The following INSC variants were observed in gnomAD, a reference collection of about 807,000 sequenced individuals.
INSC encodes INSC spindle orientation adaptor protein, also known as protein inscuteable homolog.
Under a neutral mutation model 58.6 loss-of-function variants are expected in INSC, and 67 were observed. That is an observed-to-expected ratio of 1.14 (90% CI 0.94 to 1.40). The LOEUF is 1.40. Ranked by LOEUF, INSC falls within the 40% of genes most tolerant of loss-of-function variation. The pLI, the probability that INSC is intolerant of heterozygous loss-of-function variation, is 0.00. For missense variants in INSC, 714 were observed against 692.0 expected (o/e 1.03, Z -0.36); for synonymous variants, 262 against 276.1 (o/e 0.95, Z 0.51).
chr11:15,183,472 G>T (rs903141119), intron 5 of INSC, among the ~76,000 whole-genome samples: 1 of 150,936 alleles, frequency 6.6e-6, no homozygotes, highest in Non-Finnish European at 1.5e-5. Context: ...TGTGTTGTTG[G>T]AGGGATGATT....
intron 5 of INSC, among the ~76,000 whole-genome samples, chr11:15,186,966 T>C (rs1207827061): frequency 6.6e-6 from 1 of 152,226 alleles, no homozygotes; most frequent in Non-Finnish European, 1.5e-5. Context: ...TCTTCCATTC[T>C]GTGCAGCAAC....
intron 2 of INSC, among the ~76,000 whole-genome samples, chr11:15,165,859 C>T (rs1355013802): frequency 1.3e-5 from 2 of 151,652 alleles, no homozygotes; most frequent in African/African-American, 2.4e-5. Flanking sequence ...GTTGCTGAAC[C>T]AGTCTTTTGG....
chr11:15,178,293 A>G lies in INSC; in HGVS notation c.456-31A>G, dbSNP rs375710838. The G allele has an allele frequency of 3.1e-6, 5 of 1,612,838 alleles. No homozygotes were observed. The Admixed American group carries it at 6.7e-5, about 22-fold the overall frequency. ...TCTGGGCTGACCACATGCCCTTTCC[A>G]GTGGCCCACCCCATGGTTTCTTCTC... On this transcript the variant is annotated intron_variant, in intron 4 of 12. Transcript: ENST00000379556.
At chr11:15,260,769 G>A in the INSC span, among the ~76,000 whole-genome samples, 5 of 152,314 alleles carry the variant, frequency 3.3e-5, no homozygotes, top group Admixed American at 3.3e-4. Context: ...TAGTCCTGGA[G>A]CCAGATGCAT....
At chr11:15,197,266 G>T (rs957422903) in intron 6 of INSC, among the ~76,000 whole-genome samples, 3 of 152,200 alleles carry the variant, frequency 2.0e-5, no homozygotes, top group African/African-American at 7.2e-5. Context: ...CAGACAGAGT[G>T]TTGAAGCAGA....
At chr11:15,165,321 A>G (rs1363913546) in intron 2 of INSC, among the ~76,000 whole-genome samples, 1 of 152,226 alleles carries the variant, frequency 6.6e-6, no homozygotes, top group Non-Finnish European at 1.5e-5. Flanking sequence ...AACTTCTCTA[A>G]TAGAGACTAA....
chr11:15,128,364 A>G (rs1199718819), intron 1 of INSC, among the ~76,000 whole-genome samples: 1 of 152,202 alleles, frequency 6.6e-6, no homozygotes, highest in Non-Finnish European at 1.5e-5. Flanking sequence ...ATGGAATCAT[A>G]TGGGGATACA....
At chr11:15,229,962 ATATAT>A (rs1405067903) in intron 9 of INSC, among the ~76,000 whole-genome samples, 4,681 of 25,666 alleles carry the variant, frequency 0.18, 431 homozygotes, top group Non-Finnish European at 0.21. Context: ...ATATATATTT[ATATAT>A]ATATATATAT....
upstream of INSC, among the ~76,000 whole-genome samples, chr11:15,112,006 A>G (rs1847583368): frequency 6.6e-6 from 1 of 152,174 alleles, no homozygotes; most frequent in African/African-American, 2.4e-5. Context: ...TAGAATGTAT[A>G]TTATCTTTGT....
Position 15,175,840 on chromosome 11 carries a change from C to A in INSC, c.156C>A (p.Ile52=), listed in dbSNP as rs773326981. Residue 52 remains isoleucine (I), a synonymous_variant, in exon 3 of 13, where the codon ATC becomes ATA. Transcript: ENST00000379556. ...TGTGTGTCCTGCAGGCCAAGCCCAT[C>A]AGCCTGGAAGAGGATGCACAGGGTG... ...ECMCVLQAKP[I]SLEEDAQGDL... The A allele has an allele frequency of 6.2e-7, 1 of 1,612,432 alleles. No individual in the cohort carries two copies.
intron 1 of INSC, among the ~76,000 whole-genome samples, chr11:15,117,147 G>A (rs1847750196): frequency 2.0e-5 from 3 of 151,384 alleles, no homozygotes; most frequent in African/African-American, 7.3e-5. Flanking sequence ...TTTCCATGTT[G>A]GTCAGGCTGG....
chr11:15,168,016 A>G (rs1308088790), intron 2 of INSC, among the ~76,000 whole-genome samples: 2 of 152,100 alleles, frequency 1.3e-5, no homozygotes, highest in East Asian at 1.9e-4. Context: ...TCCTTTGCCC[A>G]TAGCAGCCCC....
intron 8 of INSC, 123 bp downstream of exon 8, chr11:15,221,771 G>GCACCCCAAATATCTCC: frequency 1.2e-6 from 1 of 846,938 alleles, no homozygotes; most frequent in Non-Finnish European, 1.8e-6. Flanking sequence ...CTGCATAGAT[G>GCACCCCAAATATCTCC]ATCATATTTG....
At chr11:15,236,714 C>G (rs951051814) in intron 10 of INSC, among the ~76,000 whole-genome samples, 1 of 152,190 alleles carries the variant, frequency 6.6e-6, no homozygotes, top group Non-Finnish European at 1.5e-5. Flanking sequence ...AATTAGCAAC[C>G]GGTTGGAAAC....
intron 1 of INSC, among the ~76,000 whole-genome samples, chr11:15,134,243 C>G (rs1049531769): frequency 6.6e-6 from 1 of 152,112 alleles, no homozygotes; most frequent in Non-Finnish European, 1.5e-5. Context: ...ATTGTAAGAT[C>G]CCTGTTACTT....
At chr11:15,201,750 G>A (rs1410254996) in intron 7 of INSC, among the ~76,000 whole-genome samples, 4 of 152,156 alleles carry the variant, frequency 2.6e-5, no homozygotes, top group Admixed American at 2.6e-4. Context: ...TAGAAAAGTG[G>A]AAAGGCCTGG....
rs55744362 is a variant in INSC at position 15,230,013 on chromosome 11, A to T, written c.1170+4185A>T. On this transcript the variant is annotated intron_variant, in intron 9 of 12. Transcript: ENST00000379556. ...TATATATATATATATATATATATAT[A>T]ATATATATATATATATATATATATA... Among the ~76,000 whole-genome samples the T allele has an allele frequency of 8.2e-3, 195 of 23,696 alleles. 4 individuals carry two copies. The East Asian group carries it at 0.098, about 12-fold the overall frequency. The allele number at this position is 23,696 out of a possible 152,430, so 15.5% of individuals were successfully genotyped here.
chr11:15,240,794 G>A (rs1275794448), intron 12 of INSC, among the ~76,000 whole-genome samples: 1 of 152,164 alleles, frequency 6.6e-6, no homozygotes, highest in South Asian at 2.1e-4. Flanking sequence ...TAGGAACCAG[G>A]AACCTTTGAG....
chr11:15,264,150 A>T, the INSC span, among the ~76,000 whole-genome samples: 37,551 of 63,786 alleles, frequency 0.59, 10,826 homozygotes, highest in Middle Eastern at 0.72. Flanking sequence ...TCCTTGCAGC[A>T]GTAAGACTGA....
Sources: gnomAD v4.1 joint callset for allele counts (sites outside exome capture counted in the v4.1 genomes callset) on GRCh38, gnomAD v4.1.1 for gene constraint, MANE v1.5 for transcripts, NCBI Gene and HGNC (gene_info 2026-07-23, HGNC 2026-07-21) for gene names.